Variants in RUSF1 observed in about 807,000 individuals in gnomAD.
RUSF1 encodes RUS1 family protein C16orf58.
RUSF1 carries 58 observed loss-of-function variants against 63.0 expected under a neutral mutation model. That is an observed-to-expected ratio of 0.92 (90% CI 0.75 to 1.15). The LOEUF is 1.15. Ranked by LOEUF, RUSF1 falls within the 50% of genes most tolerant of loss-of-function variation. The pLI, the probability that RUSF1 is intolerant of heterozygous loss-of-function variation, is 0.00. For missense variants in RUSF1, 652 were observed against 611.0 expected (o/e 1.07, Z -0.71); for synonymous variants, 274 against 255.8 (o/e 1.07, Z -0.68).
At chr16:31,505,562 G>T (rs532435401) in intron 2 of RUSF1, among the ~76,000 whole-genome samples, 4 of 152,118 alleles carry the variant, frequency 2.6e-5, no homozygotes, top group African/African-American at 9.7e-5. Context: ...GGCAATCATG[G>T]TAACAGTGAC....
At chr16:31,501,912 A>G (rs2082634820) in intron 2 of RUSF1, among the ~76,000 whole-genome samples, 2 of 152,206 alleles carry the variant, frequency 1.3e-5, no homozygotes, top group African/African-American at 4.8e-5. Context: ...AGCCATGCCT[A>G]TTTGTTTACA....
chr16:31,492,527 CAA>C (rs2082577379), intron 10 of RUSF1, among the ~76,000 whole-genome samples, 187 bp from the exon 11 acceptor site: 1 of 152,192 alleles, frequency 6.6e-6, no homozygotes, highest in Non-Finnish European at 1.5e-5. Flanking sequence ...GACCAATTTC[CAA>C]ATACAATTTC....
In RUSF1 at chr16:31,490,543, T is replaced by G; in HGVS notation, c.*292A>C. 1 of 1,598,312 alleles carries G rather than the reference T, an allele frequency of 6.3e-7. No homozygotes were observed. Among genetic ancestry groups the G allele is most frequent in the Non-Finnish European group, 8.6e-7 (1 of 1,169,116 alleles). On this transcript the variant is annotated 3_prime_UTR_variant, in exon 13 of 13. Transcript: ENST00000327237. The stretch of plus-strand genomic sequence containing the variant: ...TGGGGCTTCTATGCCTAAGACCAAC[T>G]GCGTTGGACACCATAAGCCACAGCC...
chr16:31,491,072 C>CGAGATCT, intron 12 of RUSF1, 140 bp from the exon 13 acceptor site: 4 of 724,374 alleles, frequency 5.5e-6, no homozygotes, highest in Non-Finnish European at 9.2e-6. Flanking sequence ...AGGCTGAAAC[C>CGAGATCT]ACACCTGGCT....
At chr16:31,501,462 G>C (rs2082632624) in intron 2 of RUSF1, among the ~76,000 whole-genome samples, 1 of 152,068 alleles carries the variant, frequency 6.6e-6, no homozygotes, top group African/African-American at 2.4e-5. Context: ...GCCAGGCATG[G>C]TGGCATGCCT....
At chr16:31,501,277 T>C (rs1721481851) in intron 2 of RUSF1, among the ~76,000 whole-genome samples, 1 of 151,948 alleles carries the variant, frequency 6.6e-6, no homozygotes, top group Non-Finnish European at 1.5e-5. Flanking sequence ...CAGATGGCTA[T>C]TATGGGATAA....
chr16:31,506,682 C>G (rs536478673), intron 2 of RUSF1, among the ~76,000 whole-genome samples: 1 of 152,302 alleles, frequency 6.6e-6, no homozygotes, highest in East Asian at 1.9e-4. Context: ...ACTTGGGAAG[C>G]TGAGGCAGGA....
chr16:31,497,038 G>T, intron 5 of RUSF1, 88 bp from the exon 6 acceptor site: 1 of 1,067,494 alleles, frequency 9.4e-7, no homozygotes, highest in Non-Finnish European at 1.4e-6. Context: ...ACCTGGCCCC[G>T]GCCAAACTCT....
In RUSF1 at chr16:31,490,337, C is replaced by T. The variant is rs1162874051; in HGVS notation, c.*498G>A. On this transcript the variant is annotated 3_prime_UTR_variant, in exon 13 of 13. Coordinates refer to ENST00000327237, the MANE Select transcript of RUSF1 (RefSeq NM_022744.4). ...CCCAGGCCCCGGCACCAAGCCTCTT[C>T]CGCCAGTGCCTGCTCTGGTTTTGTG... 1 of 1,612,598 alleles carries T rather than the reference C, an allele frequency of 6.2e-7. No homozygotes were observed. Among genetic ancestry groups the T allele is most frequent in the Non-Finnish European group, 8.5e-7 (1 of 1,179,464 alleles).
At chr16:31,507,588 G>A (rs1567400661) in intron 2 of RUSF1, among the ~76,000 whole-genome samples, 176 bp downstream of exon 2, 1 of 152,244 alleles carries the variant, frequency 6.6e-6, no homozygotes, top group Non-Finnish European at 1.5e-5. Context: ...TGAGTGGGAT[G>A]AGGGTCTTCC....
rs759057292 is a variant in RUSF1 at position 31,490,965 on chromosome 16, G to A, written c.1310-33C>T. ...GAGATCATGGGGTGCTGCCGGGAAT[G>A]CTGGGGACAAGGGTAAGGAGAGGCA... is the stretch of plus-strand genomic sequence containing the variant. On this transcript the variant is annotated intron_variant, in intron 12 of 12. Transcript: ENST00000327237. The A allele has an allele frequency of 1.1e-5, 18 of 1,605,996 alleles. No homozygotes were observed. The East Asian group carries it at 4.0e-4, about 36-fold the overall frequency.
At position 31,490,665 on chromosome 16, in the gene RUSF1, C is replaced by A; in HGVS notation, c.*170G>T. On this transcript the variant is annotated 3_prime_UTR_variant, in exon 13 of 13. Coordinates refer to ENST00000327237, the MANE Select transcript of RUSF1 (RefSeq NM_022744.4). ...CCTGGCTCCCCTTCTCCCGGCCTTCCTCTGCCTGGGGCCCACTGCATCTGA... is the reference window on the plus strand; with the variant it reads ...CCTGGCTCCCCTTCTCCCGGCCTTCATCTGCCTGGGGCCCACTGCATCTGA... 2 of 1,103,636 alleles carry A rather than the reference C, an allele frequency of 1.8e-6. No homozygotes were observed. Among genetic ancestry groups the A allele is most frequent in the South Asian group, 1.3e-5 (1 of 76,114 alleles). The allele number at this position is 1,103,636 out of a possible 1,614,324, so 68.4% of individuals were successfully genotyped here.
intron 2 of RUSF1, among the ~76,000 whole-genome samples, chr16:31,506,367 TC>T (rs1271501895): frequency 1.3e-5 from 2 of 152,194 alleles, no homozygotes; most frequent in Non-Finnish European, 2.9e-5. Flanking sequence ...AATTCCAAAA[TC>T]CAAAACACTT....
intron 2 of RUSF1, among the ~76,000 whole-genome samples, chr16:31,503,417 T>C (rs1288111936): frequency 6.6e-6 from 1 of 152,196 alleles, no homozygotes; most frequent in Non-Finnish European, 1.5e-5. Flanking sequence ...AGACACATAT[T>C]ACATGTAACC....
Position 31,492,097 on chromosome 16 carries a change from G to C in RUSF1, c.1232-11C>G, listed in dbSNP as rs1189712249. On this transcript the variant is annotated splice_polypyrimidine_tract_variant and intron_variant, in intron 11 of 12. Coordinates refer to ENST00000327237, the MANE Select transcript of RUSF1 (RefSeq NM_022744.4). ...TCTCTTTCTTAGGACCTGGGTACGG[G>C]GGTGCAGAACCAGAAGCTCTGTGTC... The C allele has an allele frequency of 3.1e-6, 5 of 1,614,134 alleles. No individual in the cohort carries two copies. In the Middle Eastern group the frequency reaches 8.2e-4, roughly 266 times the overall value.
chr16:31,507,868 G>C lies in RUSF1; in HGVS notation c.311C>G (p.Ser104Cys). The stretch of plus-strand genomic sequence containing the variant: ...GGTGGCTAGGGAGCCGGAGAGGCTG[G>C]AAGCAAACGCCTGGAGAAGAAAACA... The part of the protein sequence containing the change: ...QLWDSVQAFA[S>C]SLSGSLATQA... Residue 104 changes from serine (S) to cysteine (C), a missense_variant, in exon 2 of 13, where the codon TCC becomes TGC. By Grantham distance (112) the Ser-to-Cys change is moderately radical. Coordinates refer to ENST00000327237, the MANE Select transcript of RUSF1 (RefSeq NM_022744.4). 1 of 1,560,916 alleles carries C rather than the reference G, an allele frequency of 6.4e-7. No individual in the cohort carries two copies. Among genetic ancestry groups the C allele is most frequent in the Non-Finnish European group, 8.7e-7 (1 of 1,151,876 alleles).
intron 5 of RUSF1, among the ~76,000 whole-genome samples, chr16:31,499,075 C>G (rs1276090684): frequency 6.6e-6 from 1 of 152,180 alleles, no homozygotes; most frequent in Non-Finnish European, 1.5e-5. Context: ...GTTCTCAGCT[C>G]GGAGCTCCCT....
In RUSF1 at chr16:31,490,854, G is replaced by A; in HGVS notation, c.1388C>T (p.Pro463Leu). ...GGCTGCTCACAAGACCTTCTTTTCG[G>A]GAGACAGAAGCCATGTGGCCCTCCA... ...DEWRATWLLS[P>L]EKKVL Residue 463 changes from proline to leucine, a missense_variant, in exon 13 of 13, where the codon CCC becomes CTC. By Grantham distance (98) the Pro-to-Leu change is moderately conservative. Coordinates refer to ENST00000327237, the MANE Select transcript of RUSF1 (RefSeq NM_022744.4). The A allele has an allele frequency of 6.2e-7, 1 of 1,614,206 alleles. No homozygotes were observed. Among genetic ancestry groups the A allele is most frequent in the South Asian group, 1.1e-5 (1 of 91,082 alleles).
At chr16:31,498,838 G>A (rs887110173) in intron 5 of RUSF1, among the ~76,000 whole-genome samples, 2 of 152,160 alleles carry the variant, frequency 1.3e-5, no homozygotes, top group African/African-American at 4.8e-5. Flanking sequence ...TGACCAGGCT[G>A]GAATCCCCGC....
Sources: gnomAD v4.1 joint callset for allele counts (sites outside exome capture counted in the v4.1 genomes callset) on GRCh38, gnomAD v4.1.1 for gene constraint, MANE v1.5 for transcripts, NCBI Gene and HGNC (gene_info 2026-07-23, HGNC 2026-07-21) for gene names.